Variants in KRT37 observed in about 807,000 individuals in gnomAD.
KRT37 encodes keratin 37.
KRT37 carries 38 observed loss-of-function variants against 41.9 expected under a neutral mutation model. That is an observed-to-expected ratio of 0.91 (90% CI 0.70 to 1.19). The LOEUF (loss-of-function observed/expected upper bound fraction) is 1.19, where lower values mean the gene tolerates loss of function less well. Ranked by LOEUF, KRT37 falls within the 50% of genes most tolerant of loss-of-function variation. The pLI is 0.00. For synonymous variants in KRT37, 252 were observed against 243.4 expected, an observed-to-expected ratio of 1.04 and a Z score of -0.33; for missense variants, 580 against 575.5, an observed-to-expected ratio of 1.01 and a Z score of -0.08.
At chr17:41,421,280 G>T in intron 6 of KRT37, 87 bp downstream of exon 6, 1 of 1,376,746 alleles carries the variant, frequency 7.3e-7, no homozygotes, top group Non-Finnish European at 1.0e-6. Flanking sequence ...TTGTTAAGAT[G>T]ATATCTTCTG....
chr17:41,422,081 GGCTTGGC>G lies in KRT37; in HGVS notation c.1001_1007del (p.Arg334ProfsTer5). Reference sequence around the variant, plus strand: ...GAAGGACACGTACCAAGGTGTGCTGGGCTTGGCGCTCCACCTCCAGGGCATTCACCGT... The same window carrying G: ...GAAGGACACGTACCAAGGTGTGCTGGGCTCCACCTCCAGGGCATTCACCGT... On this transcript the variant is annotated frameshift_variant, in exon 5 of 7. Coordinates refer to ENST00000225550, the MANE Select transcript of KRT37 (RefSeq NM_003770.5). LOFTEE classifies it high-confidence loss of function. The G allele has an allele frequency of 6.2e-7, 1 of 1,614,150 alleles. No individual in the cohort carries two copies. The highest frequency in any genetic ancestry group is 8.5e-7 in the Non-Finnish European group (1 of 1,180,028).
intron 3 of KRT37, 84 bp from the exon 4 acceptor site, chr17:41,422,518 A>G: frequency 6.5e-7 from 1 of 1,541,908 alleles, no homozygotes; most frequent in Non-Finnish European, 8.8e-7. Flanking sequence ...GTCCCTGGCA[A>G]GCAGTAGGAG....
rs781742899 is a variant in KRT37, at chr17:41,422,453, TAGAC to T, written c.733-23_733-20del. 2.5e-6 allele frequency: 4 copies of T among 1,613,352 alleles called. No homozygotes were observed. Among genetic ancestry groups the T allele is most frequent in the Middle Eastern group, 1.7e-4 (1 of 6,058 alleles). On this transcript the variant is annotated intron_variant, in intron 3 of 6. Transcript: ENST00000225550. ...TTACTTCCTGCAGAAATGGAAGCGA[TAGAC>T]AGCCTGCGTAAGGAAACGGCCTTTG...
chr17:41,422,369 G>A lies in KRT37; in HGVS notation c.798C>T (p.Thr266=). The change falls in exon 4 of 7, where the codon ACC becomes ACT. Residue 266 remains threonine, a synonymous_variant. Transcript: ENST00000225550. ...KFRIELDIEP[T]IDLNRVLGEM... ...CCCCCAACACCCTGTTCAGGTCAAT[G>A]GTGGGCTCAATGTCCAGCTCGATCC... 1 of 1,614,160 alleles carries A rather than the reference G, an allele frequency of 6.2e-7. No individual in the cohort carries two copies. Among genetic ancestry groups the A allele is most frequent in the Non-Finnish European group, 8.5e-7 (1 of 1,179,992 alleles).
At position 41,424,487 on chromosome 17, in the gene KRT37, C is replaced by A. The variant is rs9910204; in HGVS notation, c.37G>T (p.Gly13Cys). ...SFYSTSSCPL[G>C]CTMAPGARNV... is the part of the protein sequence containing the mutation. ...CTTGCTCCAGGAGCCATGGTGCAAC[C>A]CAGAGGGCATGAGGAGGTGCTGTAG... Residue 13 changes from glycine to cysteine, a missense_variant, in exon 1 of 7, where the codon GGT becomes TGT. Gly to Cys is a radical substitution (Grantham distance 159). Coordinates refer to ENST00000225550, the MANE Select transcript of KRT37 (RefSeq NM_003770.5). 471,141 of 1,598,766 alleles carry A rather than the reference C, an allele frequency of 0.29. 72,183 individuals are homozygous for A. The highest frequency in any genetic ancestry group is 0.37 in the South Asian group (32,724 of 89,488).
At position 41,424,555 on chromosome 17, in the gene KRT37, G is replaced by C. The variant is rs754773362; in HGVS notation, c.-32C>G. The C allele has an allele frequency of 3.9e-6, 6 of 1,532,264 alleles. No individual in the cohort carries two copies. Among genetic ancestry groups the C allele is most frequent in the Non-Finnish European group, 4.4e-6 (5 of 1,138,164 alleles). The allele number at this position is 1,532,264 out of a possible 1,614,324, so 94.9% of individuals were successfully genotyped here. A position where few individuals can be genotyped will look rare whatever the true frequency, so the allele number is the denominator to read the frequency against. On this transcript the variant is annotated 5_prime_UTR_variant, in exon 1 of 7. The change creates a new upstream start codon in the 5' untranslated region. Coordinates refer to ENST00000225550, the MANE Select transcript of KRT37 (RefSeq NM_003770.5). ...GGGCTGAGGCTGCACAGGAGCTTCA[G>C]ATCAGCTGGGAAGGCTGAGCCACTG...
rs909521287 is a variant in KRT37, at chr17:41,421,358, C to T, written c.1241+9G>A. The stretch of plus-strand genomic sequence containing the variant: ...TGTGTGGCTTAGGAATTGCCCAGAT[C>T]ACACGTACTTGCAGTCCTCGCTCTC... On this transcript the variant is annotated intron_variant, in intron 6 of 6. Transcript: ENST00000225550. The T allele has an allele frequency of 1.9e-6, 3 of 1,613,828 alleles. No homozygotes were observed. The highest frequency in any genetic ancestry group is 2.5e-6 in the Non-Finnish European group (3 of 1,179,816).
chr17:41,424,249 C>G lies in KRT37; in HGVS notation c.275G>C (p.Cys92Ser). The G allele has an allele frequency of 6.2e-7, 1 of 1,614,228 alleles. No individual in the cohort carries two copies. Among genetic ancestry groups the G allele is most frequent in the Non-Finnish European group, 8.5e-7 (1 of 1,180,044 alleles). ...TCHIPGNIGI[C>S]GAYGKNTLNG... is the part of the protein sequence containing the mutation. ...CAGGGTGTTTTTGCCGTAGGCCCCA[C>G]AGATTCCGATGTTGCCGGGAATGTG... Residue 92 changes from cysteine (C) to serine (S), a missense_variant, in exon 1 of 7, where the codon TGT (cysteine) becomes TCT (serine). Transcript: ENST00000225550.
rs184281199 is a variant in KRT37 at position 41,422,987 on chromosome 17, A to G, written c.576-53T>C. On this transcript the variant is annotated intron_variant, in intron 2 of 6. Coordinates refer to ENST00000225550, the MANE Select transcript of KRT37 (RefSeq NM_003770.5). Reference sequence around the variant, plus strand: ...AAAGAATGCCCCAATAGCCCCTCTCAGCTGCCCTGGCTTCCTACCTCCCAC... The same window carrying G: ...AAAGAATGCCCCAATAGCCCCTCTCGGCTGCCCTGGCTTCCTACCTCCCAC... 2.9e-5 allele frequency: 45 copies of G among 1,572,600 alleles called. No homozygotes were observed. In the Admixed American group the frequency reaches 5.3e-4, roughly 19 times the overall value.
Position 41,424,319 on chromosome 17 carries a change from G to C in KRT37, c.205C>G (p.Leu69Val), listed in dbSNP as rs200298511. ...CAAGCAGTGTGACTGGTTGGGGGCA[G>C]ACAGAGGCTGGGGCGGCCCAGGGGA... ...STPLGRPSLC[L>V]PPTSHTACPL... is the part of the protein sequence containing the mutation. The change falls in exon 1 of 7, where the codon CTG (leucine) becomes GTG (valine). Residue 69 changes from leucine (L) to valine (V), a missense_variant. Physicochemically the swap from Leu to Val is conservative, Grantham distance 32. Transcript: ENST00000225550. 12 of 1,614,168 alleles carry C rather than the reference G, an allele frequency of 7.4e-6. No homozygotes were observed. Among genetic ancestry groups the C allele is most frequent in the African/African-American group, 1.3e-5 (1 of 75,078 alleles).
intron 6 of KRT37, 110 bp downstream of exon 6, chr17:41,421,257 C>T: frequency 8.5e-7 from 1 of 1,180,590 alleles, no homozygotes; most frequent in African/African-American, 1.5e-5. Context: ...CAAGAGAGCA[C>T]AGGAAGGCTT....
Position 41,424,239 on chromosome 17 carries a change from G to A in KRT37, c.285C>T (p.Tyr95=), listed in dbSNP as rs146872723. The change falls in exon 1 of 7, where the codon TAC becomes TAT. Residue 95 remains tyrosine, a synonymous_variant. Transcript: ENST00000225550. The stretch of plus-strand genomic sequence containing the variant: ...CATGGCCATTCAGGGTGTTTTTGCC[G>A]TAGGCCCCACAGATTCCGATGTTGC... ...IPGNIGICGA[Y]GKNTLNGHEK... is the part of the protein sequence containing the mutation. 8.2e-5 allele frequency: 132 copies of A among 1,614,080 alleles called. No individual in the cohort carries two copies. In the African/African-American group the frequency reaches 8.4e-4, roughly 10 times the overall value.
At chr17:41,422,970 C>G (rs1567690927) in intron 2 of KRT37, 36 bp from the exon 3 acceptor site, 1 of 1,588,466 alleles carries the variant, frequency 6.3e-7, no homozygotes. Context: ...AAAAAGAATG[C>G]CCCAATAGCC....
At chr17:41,422,540 A>G (rs2018555684) in intron 3 of KRT37, 106 bp from the exon 4 acceptor site, 2 of 1,447,058 alleles carry the variant, frequency 1.4e-6, no homozygotes, top group East Asian at 4.6e-5. Flanking sequence ...GGAGTCCCAC[A>G]CATAAGCAAA....
At position 41,421,573 on chromosome 17, in the gene KRT37, C is replaced by T; in HGVS notation, c.1035G>A (p.Gln345=). 2 of 1,614,178 alleles carry T rather than the reference C, an allele frequency of 1.2e-6. No individual in the cohort carries two copies. Among genetic ancestry groups the T allele is most frequent in the Non-Finnish European group, 1.7e-6 (2 of 1,180,000 alleles). The change falls in exon 6 of 7, where the codon CAG becomes CAA. Residue 345 remains glutamine, a synonymous_variant. Transcript: ENST00000225550. ...GGTCCTCCGCTTCACACAGGGAGTTCTGCAGACAGTCCTTCTGTAATGGGA... is the reference window on the plus strand; with the variant it reads ...GGTCCTCCGCTTCACACAGGGAGTTTTGCAGACAGTCCTTCTGTAATGGGA... ...QAQHTLKDCL[Q]NSLCEAEDRY... is the part of the protein sequence containing the mutation.
rs773191215 is a variant in KRT37, at chr17:41,424,218, G to A, written c.306C>T (p.Gly102=). The part of the protein sequence containing the change: ...CGAYGKNTLN[G]HEKETMKFLN... ...GGAACTTCATGGTCTCCTTCTCATG[G>A]CCATTCAGGGTGTTTTTGCCGTAGG... The change falls in exon 1 of 7, where the codon GGC becomes GGT. Residue 102 remains glycine (G), a synonymous_variant. Transcript: ENST00000225550. 4 of 1,614,104 alleles carry A rather than the reference G, an allele frequency of 2.5e-6. No homozygotes were observed. Among genetic ancestry groups the A allele is most frequent in the Non-Finnish European group, 3.4e-6 (4 of 1,180,052 alleles).
chr17:41,421,538 G>A lies in KRT37; in HGVS notation c.1070C>T (p.Thr357Ile). The A allele has an allele frequency of 1.9e-6, 3 of 1,614,250 alleles. No individual in the cohort carries two copies. The highest frequency in any genetic ancestry group is 1.7e-6 in the Non-Finnish European group (2 of 1,180,048). ...GAGGCTCTGCATCTGGGCCAGCTCTGTGCCGTAGCGGTCCTCCGCTTCACA... is the reference window on the plus strand; with the variant it reads ...GAGGCTCTGCATCTGGGCCAGCTCTATGCCGTAGCGGTCCTCCGCTTCACA... ...SLCEAEDRYG[T>I]ELAQMQSLIS... Residue 357 changes from threonine (T) to isoleucine (I), a missense_variant, in exon 6 of 7, where the codon ACA becomes ATA. Coordinates refer to ENST00000225550, the MANE Select transcript of KRT37 (RefSeq NM_003770.5).
Position 41,420,655 on chromosome 17 carries a change from G to T in KRT37, c.*223C>A. On this transcript the variant is annotated 3_prime_UTR_variant, in exon 7 of 7. Transcript: ENST00000225550. ...CTAAAAGTACCAAGAAGAGACACCA[G>T]GAAAAATAATTGCTTTCATGGAAGA... The T allele has an allele frequency of 4.4e-6, 2 of 453,428 alleles. No homozygotes were observed. The highest frequency in any genetic ancestry group is 7.8e-6 in the Non-Finnish European group (2 of 257,788). The allele number at this position is 453,428 out of a possible 1,614,324, so 28.1% of individuals were successfully genotyped here.
At chr17:41,423,690 C>T (rs2018573389) in intron 2 of KRT37, 72 bp downstream of exon 2, 1 of 1,406,082 alleles carries the variant, frequency 7.1e-7, no homozygotes, top group African/African-American at 1.4e-5. Context: ...ACAATATAGA[C>T]TGAGTAATGG....
Sources: gnomAD v4.1 joint callset for allele counts on GRCh38, gnomAD v4.1.1 for gene constraint, MANE v1.5 for transcripts, NCBI Gene and HGNC (gene_info 2026-07-23, HGNC 2026-07-21) for gene names.